The following FAM193B variants were observed in gnomAD, a reference collection of about 807,000 sequenced individuals.
The protein encoded by FAM193B is protein FAM193B.
In FAM193B, 27 loss-of-function variants were observed where a neutral mutation model predicts 70.7. The ratio of observed to expected loss-of-function variants is 0.38; its 90% CI spans 0.28 to 0.53. The LOEUF is 0.53. Among genes scored for constraint, FAM193B ranks in the 20% least tolerant of loss-of-function variants. The pLI is 0.81. For synonymous variants in FAM193B, 448 were observed against 436.0 expected (o/e 1.03, Z -0.34); for missense variants, 1,022 against 1,072.5 (o/e 0.95, Z 0.66).
At chr5:177,534,443 C>T (rs1203961996) in intron 4 of FAM193B, among the ~76,000 whole-genome samples, 1 of 151,724 alleles carries the variant, frequency 6.6e-6, no homozygotes, top group East Asian at 1.9e-4. Flanking sequence ...ACTACAGACA[C>T]ACGCCACCAT....
intron 1 of FAM193B, among the ~76,000 whole-genome samples, chr5:177,548,679 C>T (rs1226143834): frequency 6.6e-6 from 1 of 152,148 alleles, no homozygotes; most frequent in Non-Finnish European, 1.5e-5. Context: ...TCCAGCAAAG[C>T]ACAGGGGATC....
In FAM193B at chr5:177,538,559, C is replaced by T. The variant is rs1764461590; in HGVS notation, c.453+346G>A. ...AGTGTCTGTCCTTCTAACTAGGGCACATTTCAGACCCTCAAACTCATCTCT... is the reference window on the plus strand; with the variant it reads ...AGTGTCTGTCCTTCTAACTAGGGCATATTTCAGACCCTCAAACTCATCTCT... On this transcript the variant is annotated intron_variant, in intron 2 of 8. Transcript: ENST00000514747. The surrounding 1 kb of genome is among the most constrained non-coding windows in gnomAD (Gnocchi z 4.1). Among the ~76,000 whole-genome samples the T allele has an allele frequency of 6.6e-6, 1 of 152,208 alleles. No homozygotes were observed. The highest frequency in any genetic ancestry group is 2.1e-4 in the South Asian group (1 of 4,826).
rs892171272 is a variant in FAM193B, at chr5:177,549,178, T to C, written c.210+5071A>G. On this transcript the variant is annotated intron_variant, in intron 1 of 8. Coordinates refer to ENST00000514747, the MANE Select transcript of FAM193B (RefSeq NM_001190946.3). ...CTAACATTAACCATGTAAGACTGGA[T>C]TGTCTTTTCTTTTTTTTTTTTTTTT... is the stretch of plus-strand genomic sequence containing the variant. 1.2e-4 allele frequency among the ~76,000 whole-genome samples: 17 copies of C among 142,134 alleles called. No individual in the cohort carries two copies. In the South Asian group the frequency reaches 1.3e-3, roughly 11 times the overall value. The allele number at this position is 142,134 out of a possible 152,430, so 93.2% of individuals were successfully genotyped here.
At position 177,524,221 on chromosome 5, in the gene FAM193B, T is replaced by A; in HGVS notation, c.2260A>T (p.Ser754Cys). ...GCTGGCTTCTCCTGCTTGTTGCGGC[T>A]CCGGCGGCTGCGGCCCTTGCCCTGG... ...LPQGKGRSRRSRNKQEKPASS... is the reference protein window; with the variant it reads ...LPQGKGRSRRCRNKQEKPASS... Residue 754 changes from serine (S) to cysteine (C), a missense_variant, in exon 6 of 9, where the codon AGC becomes TGC. By Grantham distance (112) the Ser-to-Cys change is moderately radical (BLOSUM62 -1). Coordinates refer to ENST00000514747, the MANE Select transcript of FAM193B (RefSeq NM_001190946.3). 6.5e-7 allele frequency: 1 copy of A among 1,548,662 alleles called. No homozygotes were observed. The highest frequency in any genetic ancestry group is 8.7e-7 in the Non-Finnish European group (1 of 1,147,928).
chr5:177,524,382 G>C lies in FAM193B; in HGVS notation c.2099C>G (p.Pro700Arg). Reference protein sequence around the residue: ...GEGSRGSRPGPGWAGSPKTEK... With the variant: ...GEGSRGSRPGRGWAGSPKTEK... ...AGTTTTGGGACTGCCAGCCCAACCT[G>C]GTCCTGGCCGGCTCCCCCGGCTCCC... is the stretch of plus-strand genomic sequence containing the variant. The change falls in exon 6 of 9, where the codon CCA becomes CGA. Residue 700 changes from proline (P) to arginine (R), a missense_variant. Transcript: ENST00000514747. 6.4e-7 allele frequency: 1 copy of C among 1,571,914 alleles called. No homozygotes were observed.
At chr5:177,545,078 C>G (rs1004460498) in intron 1 of FAM193B, among the ~76,000 whole-genome samples, 2 of 152,142 alleles carry the variant, frequency 1.3e-5, no homozygotes, top group African/African-American at 4.8e-5. Flanking sequence ...AAATCTCGCT[C>G]TGTCATCCAG....
chr5:177,547,278 A>ATTT (rs1765548626), intron 1 of FAM193B: 2 of 45,194 alleles, frequency 4.4e-5, no homozygotes, highest in South Asian at 2.1e-3. Flanking sequence ...CCCAAACCAA[A>ATTT]TTTATTTCTT....
At chr5:177,547,476 G>A (rs1415764220) in intron 1 of FAM193B, among the ~76,000 whole-genome samples, 1 of 150,782 alleles carries the variant, frequency 6.6e-6, no homozygotes, top group South Asian at 2.1e-4. Context: ...AGTAGAGACG[G>A]GGTTTCACCG....
intron 7 of FAM193B, among the ~76,000 whole-genome samples, chr5:177,522,322 G>A (rs1327534603): frequency 1.3e-5 from 2 of 152,118 alleles, no homozygotes; most frequent in Non-Finnish European, 2.9e-5. Flanking sequence ...TCTGGTGTTT[G>A]ATTCTCTAGC....
intron 1 of FAM193B, chr5:177,553,980 G>GT: frequency 7.9e-7 from 1 of 1,265,312 alleles, no homozygotes; most frequent in Non-Finnish European, 1.0e-6. Flanking sequence ...CAGTCCCAGT[G>GT]TGGGTGTACG....
chr5:177,550,243 AAAG>A (rs1334581071), intron 1 of FAM193B, among the ~76,000 whole-genome samples: 8 of 152,230 alleles, frequency 5.3e-5, no homozygotes, highest in Admixed American at 5.2e-4. Flanking sequence ...ACTGGCTTAC[AAAG>A]AAGAACCAGA....
At position 177,554,096 on chromosome 5, in the gene FAM193B, G is replaced by C. The variant is rs1020338800; in HGVS notation, c.210+153C>G. The C allele has an allele frequency of 4.3e-6, 6 of 1,387,140 alleles. 1 individual carries two copies. In the South Asian group the frequency reaches 7.4e-5, roughly 17 times the overall value. 85.9% of individuals were successfully genotyped at this position (1,387,140 alleles called of 1,614,324 possible). A position where few individuals can be genotyped will look rare whatever the true frequency, so the allele number is the denominator to read the frequency against. Reference sequence around the variant, plus strand: ...GGAGAGGGGTCCAGCCTCCATTCCCGCCCCGGGGGAGAAAGCTTCGGCGCC... The same window carrying C: ...GGAGAGGGGTCCAGCCTCCATTCCCCCCCCGGGGGAGAAAGCTTCGGCGCC... On this transcript the variant is annotated intron_variant, in intron 1 of 8. Transcript: ENST00000514747.
At chr5:177,531,530 G>A (rs537013008) in intron 5 of FAM193B, 7 of 1,267,426 alleles carry the variant, frequency 5.5e-6, no homozygotes, top group East Asian at 1.1e-4. Flanking sequence ...GGCTGGGGGT[G>A]GGGGGGAGGT....
At chr5:177,525,596 T>A (rs945718221) in intron 5 of FAM193B, 3 of 171,274 alleles carry the variant, frequency 1.8e-5, no homozygotes, top group Admixed American at 6.4e-5. Context: ...CACGGGGTCT[T>A]ACAGGAGGCA....
chr5:177,532,249 T>C lies in FAM193B; in HGVS notation c.1275+194A>G. On this transcript the variant is annotated intron_variant, in intron 5 of 8. Transcript: ENST00000514747. The surrounding 1 kb of genome is among the most constrained non-coding windows in gnomAD (Gnocchi z 4.9). ...AGAGAAACCATGAGAAGAGCAAAGGTAGCAAAATGTTTAAAAACCCCTACC... is the reference window on the plus strand; with the variant it reads ...AGAGAAACCATGAGAAGAGCAAAGGCAGCAAAATGTTTAAAAACCCCTACC... The C allele has an allele frequency of 6.7e-7, 1 of 1,490,236 alleles. No homozygotes were observed. Among genetic ancestry groups the C allele is most frequent in the Non-Finnish European group, 8.9e-7 (1 of 1,126,266 alleles). 92.3% of individuals were successfully genotyped at this position (1,490,236 alleles called of 1,614,324 possible).
At chr5:177,550,441 G>A (rs1766058304) in intron 1 of FAM193B, among the ~76,000 whole-genome samples, 1 of 152,218 alleles carries the variant, frequency 6.6e-6, no homozygotes, top group Admixed American at 6.5e-5. Context: ...TAAACATAAT[G>A]AGATGCTTTT....
In FAM193B at chr5:177,532,762, G is replaced by A; in HGVS notation, c.1077-121C>T. 1 of 912,128 alleles carries A rather than the reference G, an allele frequency of 1.1e-6. No homozygotes were observed. Among genetic ancestry groups the A allele is most frequent in the Non-Finnish European group, 1.6e-6 (1 of 637,994 alleles). 56.5% of individuals were successfully genotyped at this position (912,128 alleles called of 1,614,324 possible). ...TTGCCCCACTCCACAGAGGTCCCAGGTGGTCCAACTACATTGCACCTCTCA... is the reference window on the plus strand; with the variant it reads ...TTGCCCCACTCCACAGAGGTCCCAGATGGTCCAACTACATTGCACCTCTCA... On this transcript the variant is annotated intron_variant, in intron 4 of 8. Coordinates refer to ENST00000514747, the MANE Select transcript of FAM193B (RefSeq NM_001190946.3). The surrounding 1 kb of genome is among the most constrained non-coding windows in gnomAD (Gnocchi z 4.9).
At position 177,536,401 on chromosome 5, in the gene FAM193B, G is replaced by C. The variant is rs1169548998; in HGVS notation, c.1033C>G (p.Leu345Val). The change falls in exon 4 of 9, where the codon CTC (leucine) becomes GTC (valine). Residue 345 changes from leucine (L) to valine (V), a missense_variant. Physicochemically the swap from Leu to Val is conservative, Grantham distance 32. Transcript: ENST00000514747. ...GHCGGHCSGP[L>V]LPPPSSQPLP... ...GGCTGAGAGCTCGGGGGTGGGAGGAGAGGCCCACTGCAGTGCCCACCACAG... is the reference window on the plus strand; with the variant it reads ...GGCTGAGAGCTCGGGGGTGGGAGGACAGGCCCACTGCAGTGCCCACCACAG... The C allele has an allele frequency of 1.2e-5, 20 of 1,609,088 alleles. No homozygotes were observed. The highest frequency in any genetic ancestry group is 1.5e-5 in the Non-Finnish European group (18 of 1,178,670).
intron 4 of FAM193B, among the ~76,000 whole-genome samples, chr5:177,535,769 T>C (rs1245759592): frequency 6.6e-6 from 1 of 152,214 alleles, no homozygotes; most frequent in Non-Finnish European, 1.5e-5. Context: ...GTATATCAAA[T>C]ATCTAAGTAT....
Sources: allele counts gnomAD v4.1 joint callset (sites outside exome capture counted in the v4.1 genomes callset), GRCh38; gene constraint gnomAD v4.1.1; non-coding constraint Gnocchi (gnomAD v3.1); transcripts MANE v1.5; gene names NCBI Gene and HGNC (gene_info 2026-07-23, HGNC 2026-07-21).